KIF26B: variants seen among roughly 807,000 people sequenced by gnomAD.
The protein encoded by KIF26B is kinesin-like protein KIF26B.
KIF26B carries 63 observed loss-of-function variants against 151.2 expected under a neutral mutation model. That is an observed-to-expected ratio of 0.42 (90% CI 0.34 to 0.51). The LOEUF is 0.51. Among genes scored for constraint, KIF26B ranks in the 20% least tolerant of loss-of-function variants. The probability of loss-of-function intolerance (pLI) is 0.07; values close to 1 mark genes in which losing one functional copy is unlikely to be tolerated. For synonymous variants in KIF26B, 1,357 were observed against 1,262.1 expected, an observed-to-expected ratio of 1.08 and a Z score of -1.59; for missense variants, 2,813 against 2,913.6, an observed-to-expected ratio of 0.97 and a Z score of 0.79.
At chr1:245,182,446 C>CCACATGCTGT (rs1463248247) in intron 2 of KIF26B, among the ~76,000 whole-genome samples, 4 of 152,206 alleles carry the variant, frequency 2.6e-5, no homozygotes, top group African/African-American at 9.7e-5. Context: ...ACTGTATAAA[C>CCACATGCTGT]ATACCACATG....
chr1:245,270,212 T>TCC (rs761509734), intron 2 of KIF26B, among the ~76,000 whole-genome samples: 4,206 of 116,468 alleles, frequency 0.036, 136 homozygotes, highest in Middle Eastern at 0.065. Context: ...TTCCCTTTCT[T>TCC]CTTCCCTTCC....
chr1:245,681,931 C>T (rs891581405), intron 10 of KIF26B, among the ~76,000 whole-genome samples: 26 of 152,298 alleles, frequency 1.7e-4, no homozygotes, highest in African/African-American at 5.5e-4. Flanking sequence ...CTAAACCATA[C>T]GTTAGGTTGG....
intron 2 of KIF26B, among the ~76,000 whole-genome samples, chr1:245,251,819 C>T (rs1670450129): frequency 6.6e-6 from 1 of 152,030 alleles, no homozygotes; most frequent in Non-Finnish European, 1.5e-5. Flanking sequence ...TTGTCCCCTG[C>T]CTTGTCTTAT....
At chr1:245,513,216 C>G (rs561919852) in intron 4 of KIF26B, among the ~76,000 whole-genome samples, 3,685 of 151,000 alleles carry the variant, frequency 0.024, 78 homozygotes, top group African/African-American at 0.052. Context: ...GCACCCCCCC[C>G]CAACCCCGCC....
intron 1 of KIF26B, 22 bp downstream of exon 1, chr1:245,155,509 C>T (rs1668413600): frequency 6.3e-7 from 1 of 1,597,654 alleles, no homozygotes; most frequent in Non-Finnish European, 8.6e-7. Flanking sequence ...CGGTACGACG[C>T]GGAGACGCGT....
At chr1:245,571,682 G>A (rs950263054) in intron 5 of KIF26B, among the ~76,000 whole-genome samples, 1 of 152,192 alleles carries the variant, frequency 6.6e-6, no homozygotes, top group Non-Finnish European at 1.5e-5. Flanking sequence ...AGCTGTCTGT[G>A]TAGACAGTGG....
At chr1:245,188,525 G>C (rs180977298) in intron 2 of KIF26B, among the ~76,000 whole-genome samples, 105 of 152,256 alleles carry the variant, frequency 6.9e-4, no homozygotes, top group African/African-American at 2.4e-3. Context: ...AACTGATGAC[G>C]AAGATATGTT....
chr1:245,621,151 T>C (rs2043654532), intron 9 of KIF26B, among the ~76,000 whole-genome samples: 1 of 152,094 alleles, frequency 6.6e-6, no homozygotes. Flanking sequence ...CGTCAATATT[T>C]CTTGAAAGAT....
chr1:245,543,425 C>CTGATTTGCAATCCAAAATG (rs1404135834), intron 5 of KIF26B, among the ~76,000 whole-genome samples: 1 of 152,190 alleles, frequency 6.6e-6, no homozygotes, highest in Non-Finnish European at 1.5e-5. Context: ...ATCTCTCTCA[C>CTGATTTGCAATCCAAAATG]TGATTTGCAA....
At chr1:245,369,301 G>A (rs564517061) in intron 3 of KIF26B, among the ~76,000 whole-genome samples, 3 of 152,312 alleles carry the variant, frequency 2.0e-5, no homozygotes, top group Admixed American at 6.5e-5. Flanking sequence ...GGAACAAGTC[G>A]AGTGAACACA....
intron 2 of KIF26B, among the ~76,000 whole-genome samples, chr1:245,211,324 G>A (rs1446178075): frequency 1.3e-5 from 2 of 152,298 alleles, no homozygotes; most frequent in Non-Finnish European, 2.9e-5. Context: ...CATCCAAAGA[G>A]TTGGGCCATC....
At chr1:245,161,798 GTT>G (rs1668534166) in intron 2 of KIF26B, among the ~76,000 whole-genome samples, 1 of 152,176 alleles carries the variant, frequency 6.6e-6, no homozygotes, top group African/African-American at 2.4e-5. Context: ...CCTAGAAGCT[GTT>G]AAGGGTCCCT....
intron 10 of KIF26B, among the ~76,000 whole-genome samples, chr1:245,658,237 G>A (rs750937064): frequency 2.0e-5 from 3 of 152,148 alleles, no homozygotes; most frequent in East Asian, 1.9e-4. Flanking sequence ...ATTGCTGTAC[G>A]ATTTTTCCAT....
At position 245,663,559 on chromosome 1, in the gene KIF26B, C is replaced by T. The variant is rs1478611412; in HGVS notation, c.2258+17279C>T. ...TTTGTTTATTTGTGTCTGGGGGCTA[C>T]TCATTTTCACTGGCATTTTATTTGT... is the stretch of plus-strand genomic sequence containing the variant. On this transcript the variant is annotated intron_variant, in intron 10 of 14. Transcript: ENST00000407071. Among the ~76,000 whole-genome samples, 16 of 152,190 alleles carry T rather than the reference C, an allele frequency of 1.1e-4. No individual in the cohort carries two copies. The East Asian group carries it at 3.1e-3, about 29-fold the overall frequency.
intron 2 of KIF26B, among the ~76,000 whole-genome samples, chr1:245,185,865 A>ATTATT (rs1173099964): frequency 9.8e-4 from 148 of 151,402 alleles, no homozygotes; most frequent in African/African-American, 2.9e-3. Context: ...TTTTCTTTTT[A>ATTATT]TTATTTTATT....
intron 4 of KIF26B, among the ~76,000 whole-genome samples, chr1:245,522,417 A>G (rs1349441297): frequency 2.6e-5 from 4 of 152,232 alleles, no homozygotes; most frequent in Admixed American, 2.6e-4. Context: ...CACTGCCTAC[A>G]GCATCCTGGT....
At chr1:245,164,038 T>C (rs947651246) in intron 2 of KIF26B, among the ~76,000 whole-genome samples, 5 of 152,230 alleles carry the variant, frequency 3.3e-5, no homozygotes, top group African/African-American at 1.2e-4. Context: ...AATAGCGATA[T>C]AGTGGGCATG....
chr1:245,356,111 C>T lies in KIF26B; in HGVS notation c.466-10723C>T, dbSNP rs902563851. 8.5e-5 allele frequency among the ~76,000 whole-genome samples: 13 copies of T among 152,230 alleles called. No homozygotes were observed. In the East Asian group the frequency reaches 1.5e-3, roughly 18 times the overall value. On this transcript the variant is annotated intron_variant, in intron 2 of 14. Coordinates refer to ENST00000407071, the MANE Select transcript of KIF26B (RefSeq NM_018012.4). ...TTCCCAAGTGACTCTGCGCAGGGGG[C>T]GTGGTGAGGTCACACTTTGAGAAAC...
intron 5 of KIF26B, among the ~76,000 whole-genome samples, chr1:245,588,322 CT>C (rs1428912929): frequency 6.6e-6 from 1 of 152,198 alleles, no homozygotes; most frequent in East Asian, 1.9e-4. Context: ...CGTATTAGAA[CT>C]TACCATTCTG....
Sources: gnomAD v4.1 joint callset for allele counts (sites outside exome capture counted in the v4.1 genomes callset) on GRCh38, gnomAD v4.1.1 for gene constraint, MANE v1.5 for transcripts, NCBI Gene and HGNC (gene_info 2026-07-23, HGNC 2026-07-21) for gene names.